The following WASL variants were observed in gnomAD, a reference collection of about 807,000 sequenced individuals.
WASL encodes the protein WASP like actin nucleation promoting factor, also known as actin nucleation-promoting factor WASL.
Under a neutral mutation model 55.5 loss-of-function variants are expected in WASL, and 20 were observed. That is an observed-to-expected ratio of 0.36 (90% CI 0.25 to 0.52). The LOEUF (loss-of-function observed/expected upper bound fraction) is 0.52. Ranked by LOEUF, WASL falls within the 20% of genes least tolerant of loss-of-function variation. WASL has a pLI of 0.92. For missense variants in WASL, 504 were observed against 622.5 expected, an observed-to-expected ratio of 0.81 and a Z score of 2.03; for synonymous variants, 249 against 217.6, an observed-to-expected ratio of 1.14 and a Z score of -1.27.
At chr7:123,710,857 C>T (rs566596930) in intron 1 of WASL, among the ~76,000 whole-genome samples, 17 of 152,250 alleles carry the variant, frequency 1.1e-4, no homozygotes, top group African/African-American at 3.9e-4. Flanking sequence ...GATGATAGTG[C>T]CACAGGCATC....
chr7:123,733,049 C>T (rs1804167287), intron 1 of WASL, among the ~76,000 whole-genome samples: 1 of 152,146 alleles, frequency 6.6e-6, no homozygotes, highest in Non-Finnish European at 1.5e-5. Flanking sequence ...TAACCTGCAG[C>T]TAACCCCATA....
intron 10 of WASL, among the ~76,000 whole-genome samples, chr7:123,688,250 TA>T (rs890773546): frequency 6.6e-6 from 1 of 152,142 alleles, no homozygotes; most frequent in African/African-American, 2.4e-5. Flanking sequence ...AAGAAAGGTT[TA>T]AAAAAAGTTA....
intron 1 of WASL, among the ~76,000 whole-genome samples, chr7:123,728,940 A>C (rs1804097901): frequency 6.6e-6 from 1 of 152,206 alleles, no homozygotes; most frequent in African/African-American, 2.4e-5. Flanking sequence ...GTTTGCTGAG[A>C]GTAAGTACAT....
chr7:123,689,884 A>G (rs1318064037), intron 9 of WASL, among the ~76,000 whole-genome samples: 1 of 128,998 alleles, frequency 7.8e-6, no homozygotes, highest in Non-Finnish European at 1.7e-5. Flanking sequence ...GAAATTCTTA[A>G]TCATTTCCCA....
intron 1 of WASL, among the ~76,000 whole-genome samples, chr7:123,733,284 A>C (rs1804171172): frequency 6.6e-6 from 1 of 152,200 alleles, no homozygotes; most frequent in African/African-American, 2.4e-5. Context: ...AAATTTCTGG[A>C]AACCAATAAG....
chr7:123,742,876 TC>T (rs1804367716), intron 1 of WASL, among the ~76,000 whole-genome samples: 1 of 152,214 alleles, frequency 6.6e-6, no homozygotes, highest in Admixed American at 6.5e-5. Context: ...TATATTAGTC[TC>T]GGCTGTGCAA....
intron 5 of WASL, among the ~76,000 whole-genome samples, chr7:123,698,699 C>T (rs1803529119): frequency 6.6e-6 from 1 of 151,826 alleles, no homozygotes; most frequent in African/African-American, 2.4e-5. Flanking sequence ...TTTTTTAGTG[C>T]CCAGGAATAA....
intron 1 of WASL, among the ~76,000 whole-genome samples, chr7:123,728,588 T>A (rs531194478): frequency 9.9e-5 from 15 of 152,144 alleles, no homozygotes; most frequent in Non-Finnish European, 1.6e-4. Flanking sequence ...ACACCTGTGA[T>A]CCCAGCACTT....
chr7:123,707,784 C>T (rs978380494), intron 2 of WASL, among the ~76,000 whole-genome samples: 3 of 152,160 alleles, frequency 2.0e-5, no homozygotes, highest in East Asian at 3.9e-4. Context: ...GTTCCCCACC[C>T]CCCAGAATCA....
chr7:123,709,005 T>A, intron 2 of WASL, 84 bp downstream of exon 2: 1 of 1,293,072 alleles, frequency 7.7e-7, no homozygotes, highest in Non-Finnish European at 1.0e-6. Flanking sequence ...ATATCACATA[T>A]AGGATAAACA....
chr7:123,729,220 T>C (rs959638676), intron 1 of WASL, among the ~76,000 whole-genome samples: 1 of 152,206 alleles, frequency 6.6e-6, no homozygotes, highest in African/African-American at 2.4e-5. Context: ...AATTCTACCA[T>C]TTCAACATGT....
intron 8 of WASL, 41 bp downstream of exon 8, chr7:123,694,674 G>T: frequency 6.2e-7 from 1 of 1,603,962 alleles, no homozygotes; most frequent in Non-Finnish European, 8.5e-7. Context: ...GACCTCAAAA[G>T]ATTAAAACAA....
intron 1 of WASL, among the ~76,000 whole-genome samples, chr7:123,715,976 G>A (rs1803834131): frequency 6.6e-6 from 1 of 152,136 alleles, no homozygotes; most frequent in Non-Finnish European, 1.5e-5. Flanking sequence ...AAATGGGTGA[G>A]GACACTGTGT....
intron 1 of WASL, among the ~76,000 whole-genome samples, chr7:123,721,521 G>A (rs745694693): frequency 1.1e-4 from 16 of 152,080 alleles, no homozygotes; most frequent in Non-Finnish European, 1.6e-4. Flanking sequence ...GAGCTAGATA[G>A]CATCCACCCC....
intron 1 of WASL, among the ~76,000 whole-genome samples, chr7:123,725,916 C>T (rs939487974): frequency 1.3e-5 from 2 of 152,132 alleles, no homozygotes; most frequent in African/African-American, 4.8e-5. Flanking sequence ...GTAAGAATCC[C>T]TAACAGTTAA....
At chr7:123,700,564 C>A (rs1293549418) in intron 5 of WASL, among the ~76,000 whole-genome samples, 1 of 152,068 alleles carries the variant, frequency 6.6e-6, no homozygotes, top group East Asian at 1.9e-4. Context: ...CTCAGCCTCC[C>A]AGGTGGCTGG....
At chr7:123,733,407 A>G (rs1804173164) in intron 1 of WASL, among the ~76,000 whole-genome samples, 2 of 152,134 alleles carry the variant, frequency 1.3e-5, no homozygotes, top group African/African-American at 4.8e-5. Context: ...AGCACCACCT[A>G]TATTAGTACC....
intron 8 of WASL, among the ~76,000 whole-genome samples, chr7:123,693,247 T>C (rs1803441882): frequency 6.6e-6 from 1 of 152,196 alleles, no homozygotes. Context: ...TAAAAATAAA[T>C]ACCTTCCCTC....
intron 9 of WASL, among the ~76,000 whole-genome samples, chr7:123,690,189 T>C (rs1803378610): frequency 6.6e-6 from 1 of 152,098 alleles, no homozygotes; most frequent in East Asian, 1.9e-4. Context: ...TTAAGCAATG[T>C]GATAATGTAA....
Sources: allele counts gnomAD v4.1 joint callset (sites outside exome capture counted in the v4.1 genomes callset), GRCh38; gene constraint gnomAD v4.1.1; transcripts MANE v1.5; gene names NCBI Gene and HGNC (gene_info 2026-07-23, HGNC 2026-07-21).